Variants in XG observed in about 807,000 individuals in gnomAD.
The protein encoded by XG is glycoprotein Xg.
A neutral mutation model predicts 25.7 loss-of-function variants in XG; 24 were observed. The observed-to-expected ratio is 0.93, with a 90% CI of 0.68 to 1.31. The LOEUF (loss-of-function observed/expected upper bound fraction) is 1.31, where lower values mean the gene tolerates loss of function less well. Ranked by LOEUF, XG falls within the 40% of genes most tolerant of loss-of-function variation. XG has a pLI of 0.00. For synonymous variants in XG, 77 were observed against 69.2 expected, an observed-to-expected ratio of 1.11 and a Z score of -0.56; for missense variants, 181 against 187.6, an observed-to-expected ratio of 0.96 and a Z score of 0.21.
At chrX:2,754,040 C>T (rs931287677) in intron 1 of XG, among the ~76,000 whole-genome samples, 14 of 151,906 alleles carry the variant, frequency 9.2e-5, no homozygotes, top group African/African-American at 2.7e-4. Context: ...TAAGCTATGG[C>T]GTTTGGTAGG....
chrX:2,765,130 G>A (rs1402888246), intron 1 of XG, among the ~76,000 whole-genome samples: 4 of 147,272 alleles, frequency 2.7e-5, no homozygotes, highest in East Asian at 2.0e-4. Flanking sequence ...GGTGGATCAC[G>A]AGGTCAGGAG....
chrX:2,764,194 C>T (rs2050625871), intron 1 of XG, among the ~76,000 whole-genome samples: 1 of 152,154 alleles, frequency 6.6e-6, no homozygotes, highest in Non-Finnish European at 1.5e-5. Flanking sequence ...CAGGAAGTTA[C>T]CCTATATGGT....
chrX:2,765,041 C>CAA (rs1219282861), intron 1 of XG, among the ~76,000 whole-genome samples: 2,057 of 35,530 alleles, frequency 0.058, 42 homozygotes, highest in African/African-American at 0.08. Flanking sequence ...ATTCTTTATC[C>CAA]AAAAAAAAAA....
At chrX:2,789,348 G>A (rs1569040383) in intron 4 of XG, among the ~76,000 whole-genome samples, 2 of 112,456 alleles carry the variant, frequency 1.8e-5, no homozygotes, top group Non-Finnish European at 3.8e-5. Flanking sequence ...ACTGACTTCT[G>A]TAAATGGTGC....
At chrX:2,782,168 TTGA>T (rs773943772) in intron 4 of XG, 40 bp downstream of exon 4, 4 of 1,186,529 alleles carry the variant, frequency 3.4e-6, no homozygotes, top group Non-Finnish European at 3.4e-6. Flanking sequence ...TCAATCTGGT[TTGA>T]TGATGTTTGC....
At chrX:2,789,132 G>A (rs776898832) in intron 4 of XG, among the ~76,000 whole-genome samples, 1 of 110,922 alleles carries the variant, frequency 9.0e-6, no homozygotes, top group Non-Finnish European at 1.9e-5. Flanking sequence ...ATGGGTGGCT[G>A]AGGTGGGAGG....
intron 4 of XG, among the ~76,000 whole-genome samples, chrX:2,789,290 A>G (rs2086814311): frequency 8.9e-6 from 1 of 111,973 alleles, no homozygotes; most frequent in African/African-American, 3.2e-5. Flanking sequence ...TGGAAATACA[A>G]CACACTATCA....
chrX:2,765,278 G>T (rs182578063), intron 1 of XG, among the ~76,000 whole-genome samples: 1 of 151,694 alleles, frequency 6.6e-6, no homozygotes, highest in South Asian at 2.1e-4. Flanking sequence ...TTGAACCTGG[G>T]GGGCAGAGGT....
rs1397792552 is a variant in XG at position 2,797,327 on chromosome X, T to C, written c.340T>C (p.Tyr114His). The C allele has an allele frequency of 8.3e-7, 1 of 1,210,586 alleles. No individual in the cohort carries two copies. Among genetic ancestry groups the C allele is most frequent in the South Asian group, 1.8e-5 (1 of 56,883 alleles). The change falls in exon 7 of 11, where the codon TAC becomes CAC. Residue 114 changes from tyrosine (Y) to histidine (H), a missense_variant. Physicochemically the swap from Tyr to His is moderately conservative, Grantham distance 83. Coordinates refer to ENST00000644266, the MANE Select transcript of XG (RefSeq NM_001141919.2). The part of the protein sequence containing the change: ...RPPAGGGGGG[Y>H]SSYGNSDNTH... Reference sequence around the variant, plus strand: ...TCTAACAGGAGGTGGCGGCGGTGGCTACTCCAGTTATGGCAACTCCGACAA... The same window carrying C: ...TCTAACAGGAGGTGGCGGCGGTGGCCACTCCAGTTATGGCAACTCCGACAA...
At chrX:2,797,245 A>C in intron 6 of XG, 65 bp from the exon 7 acceptor site, 1 of 1,129,897 alleles carries the variant, frequency 8.9e-7, no homozygotes, top group Non-Finnish European at 1.2e-6. Flanking sequence ...ACAGACCAAC[A>C]CCTGCAGGAA....
At chrX:2,812,883 A>C (rs1316834726) in intron 10 of XG, among the ~76,000 whole-genome samples, 1 of 112,017 alleles carries the variant, frequency 8.9e-6, no homozygotes, top group Admixed American at 9.5e-5. Flanking sequence ...GAGTAAGCAG[A>C]GAGAGGCACC....
chrX:2,753,910 A>C (rs1243258305), intron 1 of XG, among the ~76,000 whole-genome samples: 1 of 152,052 alleles, frequency 6.6e-6, no homozygotes, highest in African/African-American at 2.4e-5. Context: ...TTTCAGTACA[A>C]TGTTCAATAA....
chrX:2,752,475 C>T (rs930161541), intron 1 of XG, 140 bp downstream of exon 1: 54 of 1,172,534 alleles, frequency 4.6e-5, no homozygotes, highest in Admixed American at 1.1e-4. Context: ...AGACTAAGAG[C>T]GATGGGTGGC....
intron 7 of XG, among the ~76,000 whole-genome samples, chrX:2,801,929 G>T (rs311193): frequency 0.49 from 53,342 of 109,000 alleles, 10,417 homozygotes; most frequent in Admixed American, 0.67. Flanking sequence ...GGATGATCTC[G>T]ATCTCCTGAC....
chrX:2,752,178 G>C lies in XG; in HGVS notation c.-97G>C. 6.3e-7 allele frequency: 1 copy of C among 1,578,558 alleles called. No individual in the cohort carries two copies. ...CATCGCCTCCCTTCCTTCCAAGCTG[G>C]GAGACCAGAAGTCAACAACAGGAGG... On this transcript the variant is annotated 5_prime_UTR_variant, in exon 1 of 11. Transcript: ENST00000644266.
intron 9 of XG, 77 bp downstream of exon 9, chrX:2,808,297 G>A: frequency 8.8e-7 from 1 of 1,131,282 alleles, no homozygotes; most frequent in Admixed American, 2.2e-5. Context: ...GGAGCTGTGT[G>A]GGCTTCTGTT....
intron 7 of XG, among the ~76,000 whole-genome samples, chrX:2,804,143 C>G (rs2086971221): frequency 8.9e-6 from 1 of 112,486 alleles, no homozygotes; most frequent in Non-Finnish European, 1.9e-5. Context: ...GCGCCCAGCC[C>G]TAAACTATAA....
At chrX:2,755,212 G>A (rs1724990785) in intron 1 of XG, among the ~76,000 whole-genome samples, 1 of 152,184 alleles carries the variant, frequency 6.6e-6, no homozygotes, top group Non-Finnish European at 1.5e-5. Context: ...AAGTTTATTA[G>A]GAAAGTAAAG....
In XG at chrX:2,782,076, A is replaced by AT. The variant is rs2086734321; in HGVS notation, c.138_139insT (p.Lys47Ter). 2 of 1,211,560 alleles carry AT rather than the reference A, an allele frequency of 1.7e-6. No homozygotes were observed. Among genetic ancestry groups the AT allele is most frequent in the Non-Finnish European group, 2.2e-6 (2 of 895,342 alleles). ...TTGTTTCCTCCACAGATATCTACCCAAAGCCAAAACCACCTTACTACCCAC... is the reference window on the plus strand; with the variant it reads ...TTGTTTCCTCCACAGATATCTACCCATAAGCCAAAACCACCTTACTACCCAC... On this transcript the variant is annotated frameshift_variant, in exon 4 of 11. Transcript: ENST00000644266. LOFTEE classifies it high-confidence loss of function.
Sources: gnomAD v4.1 joint callset for allele counts (sites outside exome capture counted in the v4.1 genomes callset) on GRCh38, gnomAD v4.1.1 for gene constraint, MANE v1.5 for transcripts, NCBI Gene and HGNC (gene_info 2026-07-23, HGNC 2026-07-21) for gene names.